The following NFX1 variants were observed in gnomAD, a reference collection of about 807,000 sequenced individuals.
NFX1 encodes nuclear transcription factor, X-box binding 1.
A neutral mutation model predicts 137.2 loss-of-function variants in NFX1; 69 were observed. The ratio of observed to expected loss-of-function variants is 0.50; its 90% CI spans 0.41 to 0.61. The LOEUF is 0.61. Ranked by LOEUF, NFX1 falls within the 20% of genes least tolerant of loss-of-function variation. The pLI, the probability that NFX1 is intolerant of heterozygous loss-of-function variation, is 0.00. For missense variants in NFX1, 1,167 were observed against 1,391.0 expected, an observed-to-expected ratio of 0.84 and a Z score of 2.56; for synonymous variants, 495 against 474.1, an observed-to-expected ratio of 1.04 and a Z score of -0.57.
intron 23 of NFX1, 94 bp downstream of exon 23, chr9:33,367,713 C>T: frequency 8.5e-7 from 1 of 1,172,952 alleles, no homozygotes; most frequent in Non-Finnish European, 1.3e-6. Flanking sequence ...CATTGGTGGC[C>T]TCCTCAGGCC....
chr9:33,299,322 T>C (rs1821468939), intron 2 of NFX1, among the ~76,000 whole-genome samples: 1 of 152,214 alleles, frequency 6.6e-6, no homozygotes, highest in South Asian at 2.1e-4. Flanking sequence ...TCTCCTACCA[T>C]CTCTGACAGT....
Position 33,301,385 on chromosome 9 carries a change from A to G in NFX1, c.1156A>G (p.Ile386Val), listed in dbSNP as rs757691772. The G allele has an allele frequency of 6.2e-6, 10 of 1,614,066 alleles. No individual in the cohort carries two copies. In the East Asian group the frequency reaches 1.1e-4, roughly 18 times the overall value. Residue 386 changes from isoleucine (I) to valine (V), a missense_variant, in exon 3 of 24, where the codon ATA becomes GTA. Coordinates refer to ENST00000379540, the MANE Select transcript of NFX1 (RefSeq NM_002504.6). ...TTACCATGTGTTTCATTTGAACTGC[A>G]TAAAGAAATGGGCAAGGTCTCCAGC... The part of the protein sequence containing the change: ...SCYHVFHLNC[I>V]KKWARSPASQ...
intron 1 of NFX1, 139 bp downstream of exon 1, chr9:33,290,736 A>G: frequency 1.3e-6 from 1 of 769,306 alleles, no homozygotes. Flanking sequence ...GGAAGGGCCA[A>G]GCCCCGCGCA....
intron 4 of NFX1, among the ~76,000 whole-genome samples, chr9:33,305,477 T>C (rs1821718633): frequency 6.6e-6 from 1 of 152,204 alleles, no homozygotes; most frequent in Non-Finnish European, 1.5e-5. Context: ...GGGCTGACCC[T>C]TTGATACCAG....
chr9:33,332,449 C>A (rs1193155039), intron 10 of NFX1, 23 bp from the exon 11 acceptor site: 2 of 1,587,898 alleles, frequency 1.3e-6, no homozygotes, highest in Non-Finnish European at 1.7e-6. Context: ...AAGTAGTTAC[C>A]ATTTCTTTTT....
In NFX1 at chr9:33,295,217, A is replaced by C; in HGVS notation, c.823A>C (p.Arg275=). ...EGHRHTNAGH[R]NNMGPIPKDD... Reference sequence around the variant, plus strand: ...CCACCGACATACAAACGCAGGACACAGAAACAACATGGGCCCCATTCCAAA... The same window carrying C: ...CCACCGACATACAAACGCAGGACACCGAAACAACATGGGCCCCATTCCAAA... Residue 275 remains arginine (R), a synonymous_variant, in exon 2 of 24, where the codon AGA becomes CGA. Coordinates refer to ENST00000379540, the MANE Select transcript of NFX1 (RefSeq NM_002504.6). 2 of 1,614,208 alleles carry C rather than the reference A, an allele frequency of 1.2e-6. No individual in the cohort carries two copies. Among genetic ancestry groups the C allele is most frequent in the African/African-American group, 2.7e-5 (2 of 75,052 alleles).
intron 9 of NFX1, among the ~76,000 whole-genome samples, chr9:33,325,804 C>T (rs1822563431): frequency 6.6e-6 from 1 of 152,168 alleles, no homozygotes; most frequent in Non-Finnish European, 1.5e-5. Flanking sequence ...AGAAATTCTT[C>T]AGGCTATAAG....
chr9:33,309,395 A>G lies in NFX1; in HGVS notation c.1377-1711A>G, dbSNP rs1374248867. On this transcript the variant is annotated intron_variant, in intron 5 of 23. Coordinates refer to ENST00000379540, the MANE Select transcript of NFX1 (RefSeq NM_002504.6). The stretch of plus-strand genomic sequence containing the variant: ...AAAAACTTAATCCTCTGCATGGACT[A>G]TTTTTCCAAACCCTTCATGACTACC... Among the ~76,000 whole-genome samples, 4 of 151,824 alleles carry G rather than the reference A, an allele frequency of 2.6e-5. No individual in the cohort carries two copies. The East Asian group carries it at 5.8e-4, about 22-fold the overall frequency.
intron 5 of NFX1, among the ~76,000 whole-genome samples, chr9:33,308,721 G>T (rs969496931): frequency 6.6e-6 from 1 of 152,036 alleles, no homozygotes; most frequent in African/African-American, 2.4e-5. Flanking sequence ...GCATCTATGC[G>T]GCTCGATATA....
intron 9 of NFX1, among the ~76,000 whole-genome samples, chr9:33,327,175 A>G (rs954342248): frequency 3.3e-5 from 5 of 152,166 alleles, no homozygotes; most frequent in African/African-American, 1.2e-4. Context: ...GCAAAAGCAG[A>G]TATTTTTGAG....
At chr9:33,351,883 C>CTTAA in intron 16 of NFX1, 93 bp downstream of exon 16, 1 of 1,092,628 alleles carries the variant, frequency 9.2e-7, no homozygotes, top group Non-Finnish European at 1.3e-6. Flanking sequence ...GGGCATGCAT[C>CTTAA]TTAATTAAGG....
intron 4 of NFX1, among the ~76,000 whole-genome samples, chr9:33,305,600 A>C (rs1031405354): frequency 1.3e-5 from 2 of 152,212 alleles, no homozygotes; most frequent in Admixed American, 1.3e-4. Flanking sequence ...TGGAGCCTAA[A>C]TAATTTGGGA....
At chr9:33,335,407 A>G (rs1227582089) in intron 11 of NFX1, among the ~76,000 whole-genome samples, 1 of 150,932 alleles carries the variant, frequency 6.6e-6, no homozygotes, top group Non-Finnish European at 1.5e-5. Flanking sequence ...ATTTTTTTGT[A>G]TTTTTAGTAG....
At chr9:33,313,618 A>G in intron 6 of NFX1, 36 bp from the exon 7 acceptor site, 1 of 1,607,048 alleles carries the variant, frequency 6.2e-7, no homozygotes. Flanking sequence ...AGGAACTTTT[A>G]CACTGATGCT....
intron 11 of NFX1, among the ~76,000 whole-genome samples, chr9:33,335,890 T>G (rs1822984965): frequency 6.6e-6 from 1 of 152,244 alleles, no homozygotes; most frequent in Non-Finnish European, 1.5e-5. Flanking sequence ...TTTTTATGAT[T>G]GAATAATAAT....
chr9:33,370,036 C>T lies in NFX1; in HGVS notation c.*58C>T. ...TTAGGTATAGTGGAGACTTATTTGCCAGCAGATAAATCATGCCCGTTCCCC... is the reference window on the plus strand; with the variant it reads ...TTAGGTATAGTGGAGACTTATTTGCTAGCAGATAAATCATGCCCGTTCCCC... On this transcript the variant is annotated 3_prime_UTR_variant, in exon 24 of 24. Transcript: ENST00000379540. 7.3e-7 allele frequency: 1 copy of T among 1,372,788 alleles called. No homozygotes were observed. Among genetic ancestry groups the T allele is most frequent in the Non-Finnish European group, 1.0e-6 (1 of 968,432 alleles). 85.0% of individuals were successfully genotyped at this position (1,372,788 alleles called of 1,614,324 possible). A position where few individuals can be genotyped will look rare whatever the true frequency, so the allele number is the denominator to read the frequency against.
intron 19 of NFX1, among the ~76,000 whole-genome samples, chr9:33,358,995 G>A (rs780770751): frequency 7.3e-5 from 11 of 151,604 alleles, no homozygotes; most frequent in African/African-American, 2.7e-4. Flanking sequence ...CACCACACCC[G>A]GCCTAAATTG....
At chr9:33,324,454 G>A (rs1017942527) in intron 9 of NFX1, among the ~76,000 whole-genome samples, 3 of 152,174 alleles carry the variant, frequency 2.0e-5, no homozygotes, top group East Asian at 3.9e-4. Context: ...AGGAGGCTGA[G>A]GTGGGAAGAT....
chr9:33,313,516 A>T lies in NFX1; in HGVS notation c.1449-138A>T, dbSNP rs181844428. 6.4e-4 allele frequency: 448 copies of T among 701,152 alleles called. 2 individuals carry two copies. The highest frequency in any genetic ancestry group is 5.0e-3 in the Middle Eastern group (14 of 2,800). 43.4% of individuals were successfully genotyped at this position (701,152 alleles called of 1,614,324 possible). ...AAAATAAGAATTGGAGGAGGGAGAC[A>T]TAGGAAAAAGTGAGGGAAATGAAGT... is the stretch of plus-strand genomic sequence containing the variant. On this transcript the variant is annotated intron_variant, in intron 6 of 23. Transcript: ENST00000379540.
Sources: allele counts gnomAD v4.1 joint callset (sites outside exome capture counted in the v4.1 genomes callset), GRCh38; gene constraint gnomAD v4.1.1; transcripts MANE v1.5; gene names NCBI Gene and HGNC (gene_info 2026-07-23, HGNC 2026-07-21).